Variants in ASAP1 observed in about 807,000 individuals in gnomAD.
The protein encoded by ASAP1 is arf-GAP with SH3 domain, ANK repeat and PH domain-containing protein 1.
In ASAP1, 43 loss-of-function variants were observed where a neutral mutation model predicts 145.2. The observed-to-expected ratio is 0.30, with a 90% CI of 0.23 to 0.38. The LOEUF (loss-of-function observed/expected upper bound fraction) is 0.38. ASAP1 is among the 10% of genes least tolerant of loss of function. The pLI, the probability that ASAP1 is intolerant of heterozygous loss-of-function variation, is 1.00. For synonymous variants in ASAP1, 546 were observed against 515.5 expected (o/e 1.06, Z -0.80); for missense variants, 1,018 against 1,355.3 (o/e 0.75, Z 3.91).
chr8:130,208,551 T>A (rs1162612955), intron 5 of ASAP1: 1 of 152,198 alleles, frequency 6.6e-6, no homozygotes, highest in African/African-American at 2.4e-5. Context: ...GGGAACTTTT[T>A]TTTTTTCACT....
intron 5 of ASAP1, among the ~76,000 whole-genome samples, chr8:130,196,987 A>T (rs1387303557): frequency 1.3e-5 from 2 of 152,266 alleles, no homozygotes; most frequent in Admixed American, 6.5e-5. Context: ...CTGCTTTCCA[A>T]GGTACTGTGA....
At chr8:130,320,178 A>C (rs548501668) in intron 3 of ASAP1, among the ~76,000 whole-genome samples, 29 of 152,318 alleles carry the variant, frequency 1.9e-4, no homozygotes, top group African/African-American at 6.7e-4. Flanking sequence ...TGCAAAACCA[A>C]ATTTATCATG....
At chr8:130,315,656 T>C (rs1823623292) in intron 3 of ASAP1, among the ~76,000 whole-genome samples, 1 of 152,178 alleles carries the variant, frequency 6.6e-6, no homozygotes, top group Non-Finnish European at 1.5e-5. Context: ...CAGGGTCCCC[T>C]GCTTCCCAAG....
chr8:130,055,948 C>T (rs2097403127), intron 29 of ASAP1, among the ~76,000 whole-genome samples: 1 of 152,172 alleles, frequency 6.6e-6, no homozygotes, highest in African/African-American at 2.4e-5. Flanking sequence ...GTGTGTGTGG[C>T]ACCATCTTTA....
At chr8:130,153,858 TG>T (rs2097652714) in intron 12 of ASAP1, among the ~76,000 whole-genome samples, 1 of 152,154 alleles carries the variant, frequency 6.6e-6, no homozygotes, top group African/African-American at 2.4e-5. Flanking sequence ...TTCATAAGAA[TG>T]TTCAATTGAT....
chr8:130,124,439 T>C (rs549749455), intron 17 of ASAP1, among the ~76,000 whole-genome samples: 1 of 152,324 alleles, frequency 6.6e-6, no homozygotes, highest in African/African-American at 2.4e-5. Flanking sequence ...ATAAACTATA[T>C]GAGATTACAG....
At chr8:130,441,973 C>T (rs958615937) in intron 1 of ASAP1, among the ~76,000 whole-genome samples, 1 of 152,144 alleles carries the variant, frequency 6.6e-6, no homozygotes, top group African/African-American at 2.4e-5. Context: ...CTATTTTGCA[C>T]AAAAGAATGG....
intron 11 of ASAP1, among the ~76,000 whole-genome samples, chr8:130,166,931 T>C (rs2097681045): frequency 6.6e-6 from 1 of 152,212 alleles, no homozygotes; most frequent in South Asian, 2.1e-4. Flanking sequence ...AGAAGTGGTC[T>C]AAAGAGGAAA....
In ASAP1 at chr8:130,112,153, T is replaced by C; in HGVS notation, c.2342A>G (p.Asp781Gly). The C allele has an allele frequency of 6.2e-7, 1 of 1,613,830 alleles. No individual in the cohort carries two copies. Among genetic ancestry groups the C allele is most frequent in the Non-Finnish European group, 8.5e-7 (1 of 1,179,972 alleles). The change falls in exon 24 of 30, where the codon GAC (aspartate) becomes GGC (glycine). Residue 781 changes from aspartate (D) to glycine (G), a missense_variant. Asp to Gly is a moderately conservative substitution (Grantham distance 94). Around this residue, in one of 9 missense-constraint regions of ASAP1, gnomAD observed 353 missense variants for 375.4 expected, o/e 0.94. Transcript: ENST00000518721. ...TNQIFVSTST[D>G]SPTSPTTEAP... ...CTCCGTGGTTGGTGATGTGGGCGAG[T>C]CTGTGCTTGTGGAAACGAAGATCTG...
At position 130,313,164 on chromosome 8, in the gene ASAP1, G is replaced by C. The variant is rs76395106; in HGVS notation, c.186+44853C>G. Among the ~76,000 whole-genome samples, 608 of 152,232 alleles carry C rather than the reference G, an allele frequency of 4.0e-3. 1 individual carries two copies. Among genetic ancestry groups the C allele is most frequent in the African/African-American group, 0.014 (581 of 41,522 alleles). On this transcript the variant is annotated intron_variant, in intron 3 of 29. Transcript: ENST00000518721. ...TGAGAACAAATGGAAGGAGGTGGTG[G>C]ATGGGCTGAACAATGGGGCAAATGA...
At position 130,365,048 on chromosome 8, in the gene ASAP1, C is replaced by T. The variant is rs533490499; in HGVS notation, c.60-6905G>A. 1.1e-4 allele frequency among the ~76,000 whole-genome samples: 16 copies of T among 152,314 alleles called. No homozygotes were observed. In the East Asian group the frequency reaches 3.1e-3, roughly 29 times the overall value. On this transcript the variant is annotated intron_variant, in intron 2 of 29. Coordinates refer to ENST00000518721, the MANE Select transcript of ASAP1 (RefSeq NM_018482.4). ...AAAGTCCCAGACTATCAATCCCTGA[C>T]AGCATTCAGGGACTAAATCCTACCC...
intron 27 of ASAP1, among the ~76,000 whole-genome samples, chr8:130,071,534 T>C (rs1413958600): frequency 1.3e-5 from 2 of 152,162 alleles, no homozygotes; most frequent in African/African-American, 4.8e-5. Context: ...ACCAGCACAG[T>C]GGTGATTCTA....
intron 24 of ASAP1, among the ~76,000 whole-genome samples, chr8:130,106,156 A>G (rs907665133): frequency 1.3e-5 from 2 of 152,170 alleles, no homozygotes; most frequent in African/African-American, 4.8e-5. Context: ...GGGGGAAAGG[A>G]TTTAAAAAGG....
At chr8:130,428,168 G>A (rs1829994675) in intron 1 of ASAP1, among the ~76,000 whole-genome samples, 1 of 152,010 alleles carries the variant, frequency 6.6e-6, no homozygotes, top group East Asian at 1.9e-4. Flanking sequence ...TTCACCTCTT[G>A]AGGAACTGTC....
intron 27 of ASAP1, among the ~76,000 whole-genome samples, chr8:130,061,317 T>TA (rs1260866906): frequency 6.6e-6 from 1 of 151,976 alleles, no homozygotes; most frequent in African/African-American, 2.4e-5. Flanking sequence ...CATCCAGAAT[T>TA]AAAAAAAATA....
chr8:130,365,225 C>T (rs537000318), intron 2 of ASAP1, among the ~76,000 whole-genome samples: 1 of 152,300 alleles, frequency 6.6e-6, no homozygotes, highest in Admixed American at 6.5e-5. Context: ...CAGAGATAAG[C>T]ACAATTTGCT....
chr8:130,385,900 T>G (rs961269441), intron 2 of ASAP1, among the ~76,000 whole-genome samples: 1 of 152,216 alleles, frequency 6.6e-6, no homozygotes, highest in Non-Finnish European at 1.5e-5. Flanking sequence ...CTTTGGTTCC[T>G]GTGGGTCTCA....
intron 5 of ASAP1, among the ~76,000 whole-genome samples, chr8:130,207,159 G>A (rs2136361798): frequency 6.6e-6 from 1 of 151,984 alleles, no homozygotes; most frequent in South Asian, 2.1e-4. Flanking sequence ...AACTACTAAG[G>A]GGCACTCAAA....
intron 29 of ASAP1, among the ~76,000 whole-genome samples, chr8:130,055,057 C>T (rs2097400745): frequency 6.6e-6 from 1 of 152,190 alleles, no homozygotes; most frequent in Admixed American, 6.5e-5. Flanking sequence ...ACAGCAACCC[C>T]CTGAGGTGGA....
Sources: gnomAD v4.1 joint callset for allele counts (sites outside exome capture counted in the v4.1 genomes callset) on GRCh38, gnomAD v4.1.1 for gene constraint, gnomAD v4.1.1 regional missense constraint, MANE v1.5 for transcripts, NCBI Gene and HGNC (gene_info 2026-07-23, HGNC 2026-07-21) for gene names.